The following HEBP2 variants were observed in gnomAD, a reference collection of about 807,000 sequenced individuals.
The protein encoded by HEBP2 is heme-binding protein 2.
HEBP2 carries 27 observed loss-of-function variants against 23.1 expected under a neutral mutation model. The ratio of observed to expected loss-of-function variants is 1.17; its 90% confidence interval spans 0.86 to 1.61. HEBP2 has a LOEUF of 1.61. HEBP2 is among the 40% of genes most tolerant of loss of function. The pLI, the probability that HEBP2 is intolerant of heterozygous loss-of-function variation, is 0.00. For synonymous variants in HEBP2, 99 were observed against 95.1 expected, an observed-to-expected ratio of 1.04 and a Z score of -0.24; for missense variants, 245 against 253.8, an observed-to-expected ratio of 0.97 and a Z score of 0.24.
Position 138,405,131 on chromosome 6 carries a change from C to G in HEBP2, c.103-14C>G, listed in dbSNP as rs9495077. On this transcript the variant is annotated splice_polypyrimidine_tract_variant and intron_variant, in intron 1 of 3. Transcript: ENST00000607197. The stretch of plus-strand genomic sequence containing the variant: ...TTAGAATTGCTTCTCGAAGTTTTCT[C>G]TGTTCCACTTTAGCCCGGAAGTTAT... 1.3e-3 allele frequency: 2,136 copies of G among 1,603,980 alleles called. 20 individuals are homozygous for G. The African/African-American group carries it at 0.023, about 17-fold the overall frequency.
intron 3 of HEBP2, among the ~76,000 whole-genome samples, 178 bp from the exon 4 acceptor site, chr6:138,412,702 C>T (rs577780972): frequency 6.6e-6 from 1 of 152,302 alleles, no homozygotes; most frequent in Admixed American, 6.5e-5. Flanking sequence ...GATCCGCCCA[C>T]CTTGGCCTCC....
chr6:138,409,631 C>T (rs1562240223), intron 3 of HEBP2, among the ~76,000 whole-genome samples: 1 of 152,210 alleles, frequency 6.6e-6, no homozygotes, highest in Non-Finnish European at 1.5e-5. Context: ...TTTTCCTTTC[C>T]TCTTCCACAC....
At chr6:138,403,649 G>T (rs1562237822), upstream of HEBP2, 2 of 434,480 alleles carry the variant, frequency 4.6e-6, no homozygotes, top group East Asian at 3.5e-5. Context: ...CCGGCGGAAA[G>T]GGGGTGCTGG....
In HEBP2 at chr6:138,421,391, C is replaced by G. The variant is rs144366667; in HGVS notation, c.*8313C>G. The stretch of plus-strand genomic sequence containing the variant: ...GATTCTCCTAAGGAATATACAGTCA[C>G]CCCCACAGGAAAAGCAAGAGTTCAA... On this transcript the variant is annotated 3_prime_UTR_variant, in exon 4 of 4. Transcript: ENST00000607197. The G allele has an allele frequency of 1.3e-5, 2 of 152,228 alleles. No homozygotes were observed. Among genetic ancestry groups the G allele is most frequent in the Non-Finnish European group, 2.9e-5 (2 of 68,016 alleles). 9.4% of individuals were successfully genotyped at this position (152,228 alleles called of 1,614,324 possible).
chr6:138,409,733 C>T (rs1300353484), intron 3 of HEBP2, among the ~76,000 whole-genome samples: 6 of 152,204 alleles, frequency 3.9e-5, no homozygotes, highest in African/African-American at 7.2e-5. Flanking sequence ...ATTGTTCACA[C>T]GGTGCACAGT....
chr6:138,405,951 C>A lies in HEBP2; in HGVS notation c.239-20C>A. 1 of 1,598,818 alleles carries A rather than the reference C, an allele frequency of 6.3e-7. No homozygotes were observed. ...AGCTGTCAAAAATACACTAAATTTG[C>A]TTTCATTTTTATGTCACAGAGATGA... is the stretch of plus-strand genomic sequence containing the variant. On this transcript the variant is annotated intron_variant, in intron 2 of 3. Transcript: ENST00000607197.
intron 3 of HEBP2, among the ~76,000 whole-genome samples, chr6:138,409,759 G>A (rs1223193255): frequency 6.6e-6 from 1 of 152,106 alleles, no homozygotes; most frequent in East Asian, 1.9e-4. Flanking sequence ...ATATGACCTG[G>A]CCCAGCCCTG....
At position 138,413,341 on chromosome 6, in the gene HEBP2, C is replaced by T. The variant is rs1040454335; in HGVS notation, c.*263C>T. 26 of 349,660 alleles carry T rather than the reference C, an allele frequency of 7.4e-5. No homozygotes were observed. The highest frequency in any genetic ancestry group is 5.5e-4 in the African/African-American group (26 of 47,694). The allele number at this position is 349,660 out of a possible 1,614,324, so 21.7% of individuals were successfully genotyped here. A position where few individuals can be genotyped will look rare whatever the true frequency, so the allele number is the denominator to read the frequency against. On this transcript the variant is annotated 3_prime_UTR_variant, in exon 4 of 4. Transcript: ENST00000607197. ...GAGGATCTAGGGAAATTTCATGTCA[C>T]TTCCCTCCTTCACTGCATCACAATC...
At position 138,404,448 on chromosome 6, in the gene HEBP2, CG is replaced by C; in HGVS notation, c.-44del. On this transcript the variant is annotated 5_prime_UTR_variant, in exon 1 of 4. Transcript: ENST00000607197. ...CACGCAGGCGGGGCGGCCCGGGGTG[CG>C]GGGCCTCTGCGCGGCTGACCAGGCT... The C allele has an allele frequency of 8.4e-7, 1 of 1,185,734 alleles. No homozygotes were observed. The highest frequency in any genetic ancestry group is 3.3e-5 in the East Asian group (1 of 29,918). 73.5% of individuals were successfully genotyped at this position (1,185,734 alleles called of 1,614,324 possible). A position where few individuals can be genotyped will look rare whatever the true frequency, so the allele number is the denominator to read the frequency against.
rs371207674 is a variant in HEBP2, at chr6:138,411,222, A to G, written c.420-1658A>G. Among the ~76,000 whole-genome samples, 35 of 152,276 alleles carry G rather than the reference A, an allele frequency of 2.3e-4. No homozygotes were observed. The South Asian group carries it at 6.6e-3, about 29-fold the overall frequency. On this transcript the variant is annotated intron_variant, in intron 3 of 3. Coordinates refer to ENST00000607197, the MANE Select transcript of HEBP2 (RefSeq NM_014320.3). Reference sequence around the variant, plus strand: ...AATCTCAGGATGTTTTTGTTTATATACTGTAGAATGTATACTTAAACTTTT... The same window carrying G: ...AATCTCAGGATGTTTTTGTTTATATGCTGTAGAATGTATACTTAAACTTTT...
chr6:138,405,063 C>G (rs1156455843), intron 1 of HEBP2, 82 bp from the exon 2 acceptor site: 2 of 1,500,502 alleles, frequency 1.3e-6, no homozygotes, highest in East Asian at 2.3e-5. Context: ...CAGGTCGACC[C>G]GAGATCATGG....
intron 2 of HEBP2, 130 bp downstream of exon 2, chr6:138,405,410 T>C: frequency 8.4e-7 from 1 of 1,191,210 alleles, no homozygotes; most frequent in Non-Finnish European, 1.2e-6. Flanking sequence ...CTTGTCTTGT[T>C]TTCAGACAAG....
At chr6:138,407,453 G>A (rs908858306) in intron 3 of HEBP2, among the ~76,000 whole-genome samples, 10 of 152,234 alleles carry the variant, frequency 6.6e-5, no homozygotes, top group African/African-American at 1.9e-4. Context: ...TGGGATGAAG[G>A]TCCCACTTGT....
Position 138,416,505 on chromosome 6 carries a change from GCTCAGCGGTGGCTCTCCTC to G in HEBP2, c.*3428_*3446del. 6.6e-6 allele frequency: 1 copy of G among 152,620 alleles called. No homozygotes were observed. The highest frequency in any genetic ancestry group is 6.5e-5 in the Admixed American group (1 of 15,312). 9.5% of individuals were successfully genotyped at this position (152,620 alleles called of 1,614,324 possible). On this transcript the variant is annotated 3_prime_UTR_variant, in exon 4 of 4. Coordinates refer to ENST00000607197, the MANE Select transcript of HEBP2 (RefSeq NM_014320.3). ...AAGCGGGCTTGGGCATCATAAAGGA[GCTCAGCGGTGGCTCTCCTC>G]GGCAGGCTGGGGCTGGCAGGAAGGG...
At position 138,416,006 on chromosome 6, in the gene HEBP2, A is replaced by C. The variant is rs1367045574; in HGVS notation, c.*2928A>C. ...TCCTGGCTACCAGGCCTATAACGAG[A>C]CTTAAGTCACAACATAACTGATTGC... is the stretch of plus-strand genomic sequence containing the variant. On this transcript the variant is annotated 3_prime_UTR_variant, in exon 4 of 4. Transcript: ENST00000607197. The C allele has an allele frequency of 2.0e-5, 3 of 152,206 alleles. No homozygotes were observed. The highest frequency in any genetic ancestry group is 4.4e-5 in the Non-Finnish European group (3 of 68,148). The allele number at this position is 152,206 out of a possible 1,614,324, so 9.4% of individuals were successfully genotyped here.
intron 3 of HEBP2, among the ~76,000 whole-genome samples, chr6:138,409,745 C>T: frequency 6.6e-6 from 1 of 152,164 alleles, no homozygotes; most frequent in East Asian, 1.9e-4. Context: ...GTGCACAGTG[C>T]CACATATGAC....
In HEBP2 at chr6:138,413,121, T is replaced by C. The variant is rs755690321; in HGVS notation, c.*43T>C. The C allele has an allele frequency of 1.0e-5, 15 of 1,469,438 alleles. No homozygotes were observed. The highest frequency in any genetic ancestry group is 1.4e-5 in the African/African-American group (1 of 71,746). The allele number at this position is 1,469,438 out of a possible 1,614,324, so 91.0% of individuals were successfully genotyped here. ...TCTGCTGTCAGAGGCAAAACATCTG[T>C]TTATCATAGACATCAACATGACCTA... is the stretch of plus-strand genomic sequence containing the variant. On this transcript the variant is annotated 3_prime_UTR_variant, in exon 4 of 4. Coordinates refer to ENST00000607197, the MANE Select transcript of HEBP2 (RefSeq NM_014320.3).
chr6:138,412,278 G>A (rs45595439), intron 3 of HEBP2: 14,859 of 323,816 alleles, frequency 0.046, 417 homozygotes, highest in African/African-American at 0.072. Context: ...GCACGTTAAA[G>A]GTTTGAGAAG....
At position 138,405,220 on chromosome 6, in the gene HEBP2, T is replaced by A. The variant is rs1026658769; in HGVS notation, c.178T>A (p.Ser60Thr). The A allele has an allele frequency of 6.2e-7, 1 of 1,614,084 alleles. No homozygotes were observed. The highest frequency in any genetic ancestry group is 1.3e-5 in the African/African-American group (1 of 74,934). ...GTCCGTGGAGTCTATGGACTGGGAT[T>A]CAGCCATCCAGACGGGCTTTACGAA... ...STSVESMDWDSAIQTGFTKLN... is the reference protein window; with the variant it reads ...STSVESMDWDTAIQTGFTKLN... The change falls in exon 2 of 4, where the codon TCA becomes ACA. Residue 60 changes from serine (S) to threonine (T), a missense_variant. Coordinates refer to ENST00000607197, the MANE Select transcript of HEBP2 (RefSeq NM_014320.3).
Sources: allele counts gnomAD v4.1 joint callset (sites outside exome capture counted in the v4.1 genomes callset), GRCh38; gene constraint gnomAD v4.1.1; transcripts MANE v1.5; gene names NCBI Gene and HGNC (gene_info 2026-07-23, HGNC 2026-07-21).